The following IL12RB1 variants were observed in gnomAD, a reference collection of about 807,000 sequenced individuals.
The protein encoded by IL12RB1 is interleukin 12 receptor subunit beta 1.
Under a neutral mutation model 94.4 loss-of-function variants are expected in IL12RB1, and 64 were observed. The ratio of observed to expected loss-of-function variants is 0.68; its 90% CI spans 0.55 to 0.83. IL12RB1 has a LOEUF of 0.83. IL12RB1 is among the 40% of genes least tolerant of loss of function. The pLI, the probability that IL12RB1 is intolerant of heterozygous loss-of-function variation, is 0.00. For synonymous variants in IL12RB1, 362 were observed against 355.5 expected (o/e 1.02, Z -0.21); for missense variants, 814 against 855.6 (o/e 0.95, Z 0.61).
chr19:18,072,270 A>T lies in IL12RB1; in HGVS notation c.863T>A (p.Met288Lys), dbSNP rs369738720. 1 of 1,614,082 alleles carries T rather than the reference A, an allele frequency of 6.2e-7. No homozygotes were observed. Among genetic ancestry groups the T allele is most frequent in the Non-Finnish European group, 8.5e-7 (1 of 1,179,930 alleles). Residue 288 changes from methionine (M) to lysine (K), a missense_variant, in exon 9 of 17, where the codon ATG becomes AAG. By Grantham distance (95) the Met-to-Lys change is moderately conservative. Transcript: ENST00000593993. ...TEVTYRLQLH[M>K]LSCPCKAKAT... ...CTTGGCCTTACACGGGCAGGACAGC[A>T]TGTGGAGCTGTAGTCGGTAAGTGAC...
chr19:18,076,118 C>T (rs910243046), intron 6 of IL12RB1, among the ~76,000 whole-genome samples, 179 bp downstream of exon 6: 1 of 152,092 alleles, frequency 6.6e-6, no homozygotes, highest in Non-Finnish European at 1.5e-5. Flanking sequence ...AAAGGCTTCT[C>T]ACCCCCTCCA....
chr19:18,062,392 A>C lies in IL12RB1; in HGVS notation c.1619-115T>G, dbSNP rs1369902971. 1.3e-5 allele frequency: 8 copies of C among 627,454 alleles called. No individual in the cohort carries two copies. In the East Asian group the frequency reaches 1.9e-4, roughly 15 times the overall value. 38.9% of individuals were successfully genotyped at this position (627,454 alleles called of 1,614,324 possible). A position where few individuals can be genotyped will look rare whatever the true frequency, so the allele number is the denominator to read the frequency against. Reference sequence around the variant, plus strand: ...TGCTGCTGATCCTGGTGCACATGCCACGGGCTTCTCACTGGGAGACCACAG... The same window carrying C: ...TGCTGCTGATCCTGGTGCACATGCCCCGGGCTTCTCACTGGGAGACCACAG... On this transcript the variant is annotated intron_variant, in intron 13 of 16. Transcript: ENST00000593993.
At chr19:18,087,149 T>G, upstream of IL12RB1, 1 of 419,564 alleles carries the variant, frequency 2.4e-6, no homozygotes, top group Non-Finnish European at 4.4e-6. Flanking sequence ...GCCAGCCCCA[T>G]GGGCCCATGG....
chr19:18,069,795 C>T, intron 9 of IL12RB1, 82 bp from the exon 10 acceptor site: 2 of 1,027,336 alleles, frequency 1.9e-6, no homozygotes, highest in Non-Finnish European at 3.0e-6. Context: ...CAGCCTCTCT[C>T]CCACCCTCTC....
At position 18,080,946 on chromosome 19, in the gene IL12RB1, A is replaced by T. The variant is rs1183245601; in HGVS notation, c.295T>A (p.Phe99Ile). ...ACAGACACCCCAGCCTGGTCGGAGA[A>T]CTGCAGCCTGGTGGCTGAGCCGGCG... ...FAAGSATRLQFSDQAGVSVLY... is the reference protein window; with the variant it reads ...FAAGSATRLQISDQAGVSVLY... The change falls in exon 4 of 17, where the codon TTC becomes ATC. Residue 99 changes from phenylalanine to isoleucine, a missense_variant. Transcript: ENST00000593993. The T allele has an allele frequency of 6.2e-7, 1 of 1,613,906 alleles. No homozygotes were observed. The highest frequency in any genetic ancestry group is 1.1e-5 in the South Asian group (1 of 91,068).
intron 4 of IL12RB1, among the ~76,000 whole-genome samples, chr19:18,080,353 C>T (rs937583247): frequency 2.6e-5 from 4 of 152,246 alleles, no homozygotes; most frequent in Middle Eastern, 3.4e-3. Context: ...ATTCTCCTGC[C>T]TCAGTCTCCC....
In IL12RB1 at chr19:18,063,888, G is replaced by T. The variant is rs377695964; in HGVS notation, c.1606C>A (p.Arg536Ser). 1 of 1,613,252 alleles carries T rather than the reference G, an allele frequency of 6.2e-7. No individual in the cohort carries two copies. The highest frequency in any genetic ancestry group is 8.5e-7 in the Non-Finnish European group (1 of 1,179,586). ...CCCCTCCACTCACCGATGCTGAAGCGCTGGGGCTGGCTCCAGACACCCCTC... is the reference window on the plus strand; with the variant it reads ...CCCCTCCACTCACCGATGCTGAAGCTCTGGGGCTGGCTCCAGACACCCCTC... ...WLRGVWSQPQ[R>S]FSIEVQVSDW... Residue 536 changes from arginine (R) to serine (S), a missense_variant, in exon 13 of 17, where the codon CGC becomes AGC. Coordinates refer to ENST00000593993, the MANE Select transcript of IL12RB1 (RefSeq NM_005535.3).
Position 18,077,507 on chromosome 19 carries a change from C to T in IL12RB1, c.549+9G>A, listed in dbSNP as rs764599920. 6.2e-7 allele frequency: 1 copy of T among 1,606,134 alleles called. No individual in the cohort carries two copies. The highest frequency in any genetic ancestry group is 1.1e-5 in the South Asian group (1 of 89,966). The stretch of plus-strand genomic sequence containing the variant: ...CCGTGTCCACCCTGGACTTGGGAAA[C>T]AAACTCACCAACTTCCATGGGCTGC... On this transcript the variant is annotated intron_variant, in intron 5 of 16. Transcript: ENST00000593993.
rs1282092053 is a variant in IL12RB1, at chr19:18,062,264, A to G, written c.1632T>C (p.Ser544=). Residue 544 remains serine, a synonymous_variant, in exon 14 of 17, where the codon TCT becomes TCC. Coordinates refer to ENST00000593993, the MANE Select transcript of IL12RB1 (RefSeq NM_005535.3). ...PQRFSIEVQV[S]DWLIFFASLG... The stretch of plus-strand genomic sequence containing the variant: ...GGGAGGCGAAGAAGATGAGCCAATC[A>G]GAAACCTGCACTTCTGAGGTGGGAG... 6.2e-7 allele frequency: 1 copy of G among 1,611,492 alleles called. No homozygotes were observed. The highest frequency in any genetic ancestry group is 1.3e-5 in the African/African-American group (1 of 74,974).
chr19:18,062,237 C>T lies in IL12RB1; in HGVS notation c.1659G>A (p.Leu553=). 1 of 1,613,216 alleles carries T rather than the reference C, an allele frequency of 6.2e-7. No individual in the cohort carries two copies. ...VSDWLIFFAS[L]GSFLSILLVG... ...CGAGAAGGATGCTCAGGAAGCTCCCCAGGGAGGCGAAGAAGATGAGCCAAT... is the reference window on the plus strand; with the variant it reads ...CGAGAAGGATGCTCAGGAAGCTCCCTAGGGAGGCGAAGAAGATGAGCCAAT... Residue 553 remains leucine (L), a synonymous_variant, in exon 14 of 17, where the codon CTG becomes CTA. Coordinates refer to ENST00000593993, the MANE Select transcript of IL12RB1 (RefSeq NM_005535.3).
intron 4 of IL12RB1, among the ~76,000 whole-genome samples, chr19:18,078,436 AAAAT>A (rs2035640352): frequency 6.6e-6 from 1 of 152,030 alleles, no homozygotes; most frequent in Non-Finnish European, 1.5e-5. Context: ...TTAAAATTTA[AAAAT>A]AAATAATTTT....
chr19:18,069,544 A>T lies in IL12RB1; in HGVS notation c.1189+2T>A, dbSNP rs1349739224. On this transcript the variant is annotated splice_donor_variant, in intron 10 of 16. Transcript: ENST00000593993. LOFTEE classifies it high-confidence loss of function. ...TAGGCGCAGGCCATTCCAGGCCATT[A>T]CCCATTCCAGCCGGATCCGGGTCTT... The T allele has an allele frequency of 1.9e-6, 3 of 1,605,784 alleles. No homozygotes were observed. Among genetic ancestry groups the T allele is most frequent in the Non-Finnish European group, 2.5e-6 (3 of 1,178,786 alleles).
At chr19:18,086,729 G>A (rs1206686231) in intron 1 of IL12RB1, 31 bp downstream of exon 1, 2 of 1,592,246 alleles carry the variant, frequency 1.3e-6, no homozygotes, top group South Asian at 1.1e-5. Context: ...CCCAGCAAGA[G>A]GAGCCGCCAT....
At chr19:18,085,158 G>A (rs977802676) in intron 1 of IL12RB1, among the ~76,000 whole-genome samples, 4 of 152,154 alleles carry the variant, frequency 2.6e-5, no homozygotes, top group African/African-American at 4.8e-5. Context: ...GGAAGACCCC[G>A]GCGCCCTCAC....
chr19:18,097,921 G>A, intron 1 of IL12RB1: 1 of 1,052,426 alleles, frequency 9.5e-7, no homozygotes, highest in South Asian at 4.7e-5. Context: ...GGCCTTCACG[G>A]GCTGTAGGGA....
At chr19:18,068,608 AGGAAC>A in intron 10 of IL12RB1, 82 bp from the exon 11 acceptor site, 1 of 1,164,126 alleles carries the variant, frequency 8.6e-7, no homozygotes, top group Non-Finnish European at 1.3e-6. Flanking sequence ...GCCATCTGCC[AGGAAC>A]CCCCAGAAAA....
At chr19:18,090,430 T>TC (rs1348293247), upstream of IL12RB1, among the ~76,000 whole-genome samples, 1 of 152,068 alleles carries the variant, frequency 6.6e-6, no homozygotes, top group East Asian at 1.9e-4. Flanking sequence ...CCCTCCCAAC[T>TC]CCACCAATTC....
At chr19:18,065,544 C>T (rs1021581210) in intron 12 of IL12RB1, among the ~76,000 whole-genome samples, 2 of 152,108 alleles carry the variant, frequency 1.3e-5, no homozygotes, top group African/African-American at 4.8e-5. Flanking sequence ...CGAGGCCGGA[C>T]ACGGTGGCTC....
At position 18,069,731 on chromosome 19, in the gene IL12RB1, A is replaced by G. The variant is rs1568495822; in HGVS notation, c.1022-18T>C. 1 of 1,581,832 alleles carries G rather than the reference A, an allele frequency of 6.3e-7. No homozygotes were observed. The highest frequency in any genetic ancestry group is 8.7e-7 in the Non-Finnish European group (1 of 1,153,236). On this transcript the variant is annotated intron_variant, in intron 9 of 16. Coordinates refer to ENST00000593993, the MANE Select transcript of IL12RB1 (RefSeq NM_005535.3). ...CACTGGTTCTGGAAGGAGAGGGGAG[A>G]GACGCATCGAGACAGTTGCCATCTC... is the stretch of plus-strand genomic sequence containing the variant.
Sources: allele counts gnomAD v4.1 joint callset (sites outside exome capture counted in the v4.1 genomes callset), GRCh38; gene constraint gnomAD v4.1.1; transcripts MANE v1.5; gene names NCBI Gene and HGNC (gene_info 2026-07-23, HGNC 2026-07-21).